The following STIM1 variants were observed in gnomAD, a reference collection of about 807,000 sequenced individuals.
STIM1 encodes stromal interaction molecule 1.
STIM1 carries 25 observed loss-of-function variants against 74.7 expected under a neutral mutation model. The observed-to-expected ratio is 0.33, with a 90% CI of 0.24 to 0.47. The LOEUF is 0.47. Among genes scored for constraint, STIM1 ranks in the 20% least tolerant of loss-of-function variants. STIM1 has a pLI of 1.00. For missense variants in STIM1, 728 were observed against 920.8 expected, an observed-to-expected ratio of 0.79 and a Z score of 2.71; for synonymous variants, 328 against 348.8, an observed-to-expected ratio of 0.94 and a Z score of 0.66.
chr11:4,035,170 G>A (rs113676824), intron 3 of STIM1, among the ~76,000 whole-genome samples: 238 of 151,224 alleles, frequency 1.6e-3, no homozygotes, highest in African/African-American at 5.3e-3. Flanking sequence ...AAGGTCACCA[G>A]TATGAGACCT....
chr11:3,876,119 G>A (rs1460760667), intron 1 of STIM1, among the ~76,000 whole-genome samples: 1 of 147,276 alleles, frequency 6.8e-6, no homozygotes, highest in Non-Finnish European at 1.5e-5. Context: ...TACCTATCTT[G>A]TTTAATTTTA....
chr11:4,085,986 A>G (rs1590699528), intron 11 of STIM1, among the ~76,000 whole-genome samples: 1 of 152,206 alleles, frequency 6.6e-6, no homozygotes, highest in South Asian at 2.1e-4. Flanking sequence ...CCCATTGTTC[A>G]TTATTTATGT....
Position 4,073,054 on chromosome 11 carries a change from T to TTG in STIM1, c.792-1447_792-1446insGT, listed in dbSNP as rs1467473268. Among the ~76,000 whole-genome samples the TTG allele has an allele frequency of 4.0e-5, 6 of 149,328 alleles. No homozygotes were observed. The East Asian group carries it at 9.9e-4, about 25-fold the overall frequency. On this transcript the variant is annotated intron_variant, in intron 6 of 12. Coordinates refer to ENST00000526596, the MANE Select transcript of STIM1 (RefSeq NM_001382567.1). Reference sequence around the variant, plus strand: ...GATAGCTCTGGACTTAGAGGTTTTTTTTTTTTTTTTTTTTTTACAGATTGA... The same window carrying TTG: ...GATAGCTCTGGACTTAGAGGTTTTTTTGTTTTTTTTTTTTTTTTACAGATTGA...
intron 1 of STIM1, among the ~76,000 whole-genome samples, chr11:3,962,720 T>C (rs1014195389): frequency 6.6e-6 from 1 of 152,196 alleles, no homozygotes; most frequent in Non-Finnish European, 1.5e-5. Context: ...TATTTCCTTT[T>C]CTCTGCATCC....
chr11:3,945,429 A>G (rs542218238), intron 1 of STIM1, among the ~76,000 whole-genome samples: 5 of 144,196 alleles, frequency 3.5e-5, no homozygotes, highest in Admixed American at 2.8e-4. Context: ...ATAAAAAAAT[A>G]AAAAAAAAAA....
intron 2 of STIM1, among the ~76,000 whole-genome samples, chr11:3,990,446 C>T (rs1281240789): frequency 6.6e-6 from 1 of 152,156 alleles, no homozygotes; most frequent in East Asian, 1.9e-4. Flanking sequence ...CTCTTGGGTA[C>T]ATACATATGA....
At chr11:4,020,711 C>T (rs188086439) in intron 2 of STIM1, among the ~76,000 whole-genome samples, 241 of 152,198 alleles carry the variant, frequency 1.6e-3, no homozygotes, top group African/African-American at 5.4e-3. Context: ...ACCTCAGGCT[C>T]TAGCTTCAGC....
chr11:3,932,447 G>T lies in STIM1; in HGVS notation c.140-35105G>T, dbSNP rs186785705. On this transcript the variant is annotated intron_variant, in intron 1 of 12. Transcript: ENST00000526596. Reference sequence around the variant, plus strand: ...GGAGGCTGAGGCGGGTGGATCACGAGGTCAGGAGATCGAGACCATCAGGGT... The same window carrying T: ...GGAGGCTGAGGCGGGTGGATCACGATGTCAGGAGATCGAGACCATCAGGGT... 5.6e-3 allele frequency among the ~76,000 whole-genome samples: 846 copies of T among 152,210 alleles called. 3 individuals are homozygous for T. Among genetic ancestry groups the T allele is most frequent in the Middle Eastern group, 0.02 (6 of 294 alleles).
chr11:3,900,605 A>G (rs1292512297), intron 1 of STIM1, among the ~76,000 whole-genome samples: 1 of 152,118 alleles, frequency 6.6e-6, no homozygotes, highest in Non-Finnish European at 1.5e-5. Flanking sequence ...GTTTTTTGAG[A>G]CAGAGTCTTT....
At chr11:4,039,145 T>A (rs912304993) in intron 3 of STIM1, among the ~76,000 whole-genome samples, 3 of 152,018 alleles carry the variant, frequency 2.0e-5, no homozygotes, top group Admixed American at 1.3e-4. Flanking sequence ...GAAAAAAAAT[T>A]ATAGAAAATG....
At chr11:3,860,137 TA>T (rs2090542346) in intron 1 of STIM1, among the ~76,000 whole-genome samples, 2 of 152,008 alleles carry the variant, frequency 1.3e-5, no homozygotes, top group South Asian at 4.1e-4. Flanking sequence ...ATGGAAGAAA[TA>T]AACAGGATGC....
At chr11:4,009,706 A>G (rs2135951533) in intron 2 of STIM1, among the ~76,000 whole-genome samples, 1 of 152,280 alleles carries the variant, frequency 6.6e-6, no homozygotes, top group South Asian at 2.1e-4. Context: ...ATGCAAATGC[A>G]ACCTCATGAC....
intron 12 of STIM1, chr11:4,088,873 C>A (rs2094507956): frequency 3.4e-6 from 3 of 875,986 alleles, no homozygotes; most frequent in Non-Finnish European, 1.8e-6. Context: ...TCTCCCTAGG[C>A]TTCCTCCCAG....
At chr11:3,907,699 A>G (rs1321011727) in intron 1 of STIM1, among the ~76,000 whole-genome samples, 1 of 152,226 alleles carries the variant, frequency 6.6e-6, no homozygotes, top group Non-Finnish European at 1.5e-5. Context: ...TCTCTCAGGG[A>G]AAAAGCCAAA....
chr11:4,038,136 G>A (rs1009864284), intron 3 of STIM1, among the ~76,000 whole-genome samples: 1 of 151,496 alleles, frequency 6.6e-6, no homozygotes, highest in African/African-American at 2.4e-5. Context: ...TTGGGTTCAA[G>A]AGATTCTCGT....
chr11:4,016,575 C>G (rs2093899199), intron 2 of STIM1, among the ~76,000 whole-genome samples: 1 of 152,250 alleles, frequency 6.6e-6, no homozygotes, highest in Non-Finnish European at 1.5e-5. Flanking sequence ...AACCACTGCT[C>G]TCTTCAGAGC....
At chr11:3,880,363 G>A (rs1371366495) in intron 1 of STIM1, among the ~76,000 whole-genome samples, 3 of 152,152 alleles carry the variant, frequency 2.0e-5, no homozygotes, top group Non-Finnish European at 2.9e-5. Flanking sequence ...TACCTTGGAA[G>A]CTATTGGCTG....
In STIM1 at chr11:4,024,790, AT is replaced by A. The variant is rs369691807; in HGVS notation, c.385+813del. ...GTAAAACTGCTAAACCATGATTACC[AT>A]TTTTTTTTTCTGGAGCATTTCCTTC... On this transcript the variant is annotated intron_variant, in intron 3 of 12. Coordinates refer to ENST00000526596, the MANE Select transcript of STIM1 (RefSeq NM_001382567.1). Among the ~76,000 whole-genome samples the A allele has an allele frequency of 8.4e-3, 1,242 of 148,504 alleles. 14 individuals carry two copies. Among genetic ancestry groups the A allele is most frequent in the African/African-American group, 0.028 (1,160 of 40,794 alleles).
At chr11:3,908,679 T>C (rs970434607) in intron 1 of STIM1, among the ~76,000 whole-genome samples, 3 of 152,164 alleles carry the variant, frequency 2.0e-5, no homozygotes, top group African/African-American at 7.2e-5. Flanking sequence ...TTATTCTGCT[T>C]AATACATTGT....
Sources: gnomAD v4.1 joint callset for allele counts (sites outside exome capture counted in the v4.1 genomes callset) on GRCh38, gnomAD v4.1.1 for gene constraint, MANE v1.5 for transcripts, NCBI Gene and HGNC (gene_info 2026-07-23, HGNC 2026-07-21) for gene names.